LIPA: variants seen among roughly 807,000 people sequenced by gnomAD.
LIPA encodes lysosomal acid lipase/cholesteryl ester hydrolase.
In LIPA, 26 loss-of-function variants were observed where a neutral mutation model predicts 40.6. The observed-to-expected ratio is 0.64, with a 90% CI of 0.47 to 0.89. The LOEUF is 0.89. Among genes scored for constraint, LIPA ranks in the 40% least tolerant of loss-of-function variants. LIPA has a pLI of 0.00. For synonymous variants in LIPA, 188 were observed against 168.4 expected, an observed-to-expected ratio of 1.12 and a Z score of -0.90; for missense variants, 455 against 479.6, an observed-to-expected ratio of 0.95 and a Z score of 0.48.
chr10:89,306,483 C>G lies in LIPA; in HGVS notation c.-2+36128G>C. On this transcript the variant is annotated intron_variant, in intron 1 of 5. Coordinates refer to the LIPA transcript ENST00000282673. ...AAGCCAAAGAACCCAGAATTCACCTCTGGACTGGCAATAGCAAGCTACCGT... is the reference window on the plus strand; with the variant it reads ...AAGCCAAAGAACCCAGAATTCACCTGTGGACTGGCAATAGCAAGCTACCGT... 1.2e-6 allele frequency: 2 copies of G among 1,614,140 alleles called. No homozygotes were observed. The highest frequency in any genetic ancestry group is 1.7e-6 in the Non-Finnish European group (2 of 1,180,010).
chr10:89,355,857 A>G (rs1278643589), intron 2 of LIPA, among the ~76,000 whole-genome samples: 1 of 152,222 alleles, frequency 6.6e-6, no homozygotes, highest in African/African-American at 2.4e-5. Flanking sequence ...CCATGGCAAC[A>G]TTCAGAAGTT....
In LIPA at chr10:89,245,770, TC is replaced by T; in HGVS notation, c.134del (p.Gly45AspfsTer8). ...CAACTAGGTATTCCTCACTAGGGAA[TC>T]CCCAGTAAGAGATAATTTCACTCTG... ...MNVSEIISYW[G>X]FPSEEYLVET... On this transcript the variant is annotated frameshift_variant, in exon 3 of 10. Transcript: ENST00000336233. LOFTEE classifies it high-confidence loss of function. 6.3e-7 allele frequency: 1 copy of T among 1,585,952 alleles called. No homozygotes were observed. The highest frequency in any genetic ancestry group is 1.3e-5 in the African/African-American group (1 of 74,514).
chr10:89,307,185 AGAT>A, intron 1 of LIPA: 1 of 1,614,060 alleles, frequency 6.2e-7, no homozygotes, highest in Non-Finnish European at 8.5e-7. Flanking sequence ...GAGAAAGAAA[AGAT>A]GAAAGACAAA....
At chr10:89,332,654 G>T (rs755368568) in intron 1 of LIPA, 4 of 1,611,542 alleles carry the variant, frequency 2.5e-6, no homozygotes, top group Non-Finnish European at 3.4e-6. Flanking sequence ...TCTCTGATAG[G>T]AAACAGAATT....
chr10:89,243,536 C>T (rs1842988070), intron 3 of LIPA, among the ~76,000 whole-genome samples: 1 of 152,188 alleles, frequency 6.6e-6, no homozygotes. Context: ...CTCTCCCAAT[C>T]CCCAACCCTC....
chr10:89,215,005 G>C lies in LIPA; in HGVS notation c.1023C>G (p.Ser341Arg). The change falls in exon 10 of 10, where the codon AGC becomes AGG. Residue 341 changes from serine to arginine, a missense_variant. Physicochemically the swap from Ser to Arg is moderately radical, Grantham distance 110. Coordinates refer to ENST00000336233, the MANE Select transcript of LIPA (RefSeq NM_000235.4). ...KDMLVPTAVW[S>R]GGHDWLADVY... is the part of the protein sequence containing the mutation. ...CATCTGCAAGCCAGTCGTGACCCCCGCTCCAGACTGCAGTCGGCACAAGCA... is the reference window on the plus strand; with the variant it reads ...CATCTGCAAGCCAGTCGTGACCCCCCCTCCAGACTGCAGTCGGCACAAGCA... 1 of 1,614,084 alleles carries C rather than the reference G, an allele frequency of 6.2e-7. No homozygotes were observed. Among genetic ancestry groups the C allele is most frequent in the African/African-American group, 1.3e-5 (1 of 75,030 alleles).
At chr10:89,231,252 A>AT (rs1842838780) in intron 3 of LIPA, among the ~76,000 whole-genome samples, 1 of 152,228 alleles carries the variant, frequency 6.6e-6, no homozygotes, top group Non-Finnish European at 1.5e-5. Context: ...GAATTGACAA[A>AT]TGTTCATTTC....
intron 1 of LIPA, among the ~76,000 whole-genome samples, chr10:89,333,202 T>C (rs994938765): frequency 2.6e-5 from 4 of 152,198 alleles, no homozygotes; most frequent in African/African-American, 9.7e-5. Context: ...ACGTGATCAA[T>C]GAACAGGGAG....
At chr10:89,354,022 C>T (rs1337500614) in intron 2 of LIPA, among the ~76,000 whole-genome samples, 1 of 152,150 alleles carries the variant, frequency 6.6e-6, no homozygotes, top group East Asian at 1.9e-4. Context: ...TAAACTTTCT[C>T]TCCTGCTCTG....
At chr10:89,279,016 A>T (rs1180465752) in intron 1 of LIPA, among the ~76,000 whole-genome samples, 1 of 152,210 alleles carries the variant, frequency 6.6e-6, no homozygotes, top group African/African-American at 2.4e-5. Flanking sequence ...GCTAATGTAG[A>T]ACATACTTGA....
chr10:89,368,857 C>A (rs1844076129), intron 2 of LIPA, among the ~76,000 whole-genome samples: 1 of 152,062 alleles, frequency 6.6e-6, no homozygotes, highest in South Asian at 2.1e-4. Context: ...CAGACCATCA[C>A]TTTAACTACA....
At chr10:89,292,333 G>A (rs1177466129) in intron 1 of LIPA, 1 of 152,084 alleles carries the variant, frequency 6.6e-6, no homozygotes, top group Non-Finnish European at 1.5e-5. Context: ...TCTTCTTCTG[G>A]AGTAGCATCC....
intron 2 of LIPA, among the ~76,000 whole-genome samples, chr10:89,361,156 T>G (rs192962970): frequency 6.6e-6 from 1 of 152,318 alleles, no homozygotes; most frequent in African/African-American, 2.4e-5. Context: ...TCAGAGCATC[T>G]TTTTGGTGGA....
At chr10:89,304,941 C>A (rs1182894904) in intron 1 of LIPA, among the ~76,000 whole-genome samples, 1 of 151,762 alleles carries the variant, frequency 6.6e-6, no homozygotes, top group Non-Finnish European at 1.5e-5. Flanking sequence ...CCTGTAGCTG[C>A]ACTTCTTGCC....
At chr10:89,328,107 C>T in intron 1 of LIPA, 2 of 1,611,622 alleles carry the variant, frequency 1.2e-6, no homozygotes, top group Non-Finnish European at 1.7e-6. Flanking sequence ...CATAATCATG[C>T]TTGTTTTTGA....
chr10:89,268,382 T>C (rs1190487655), intron 1 of LIPA, among the ~76,000 whole-genome samples: 1 of 152,256 alleles, frequency 6.6e-6, no homozygotes, highest in East Asian at 1.9e-4. Flanking sequence ...TCAATAGATG[T>C]TAGTTGATTG....
At chr10:89,395,475 T>C (rs568876602) in intron 2 of LIPA, among the ~76,000 whole-genome samples, 1 of 152,260 alleles carries the variant, frequency 6.6e-6, no homozygotes, top group South Asian at 2.1e-4. Flanking sequence ...TTATTTCACA[T>C]ACTATTTTTT....
chr10:89,405,216 G>T (rs1844510924), intron 2 of LIPA: 1 of 152,048 alleles, frequency 6.6e-6, no homozygotes, highest in Non-Finnish European at 1.5e-5. Flanking sequence ...CTTGTTTTAT[G>T]CCATTTTATT....
intron 3 of LIPA, among the ~76,000 whole-genome samples, chr10:89,230,155 T>C (rs1177950080): frequency 1.3e-5 from 2 of 152,110 alleles, no homozygotes; most frequent in African/African-American, 4.8e-5. Context: ...CTGAGACCAT[T>C]CAGTTATTCA....
Sources: allele counts gnomAD v4.1 joint callset (sites outside exome capture counted in the v4.1 genomes callset), GRCh38; gene constraint gnomAD v4.1.1; transcripts MANE v1.5; gene names NCBI Gene and HGNC (gene_info 2026-07-23, HGNC 2026-07-21).